The following GABRG3 variants were observed in gnomAD, a reference collection of about 807,000 sequenced individuals.
GABRG3 encodes gamma-aminobutyric acid receptor subunit gamma-3.
In GABRG3, 25 loss-of-function variants were observed where a neutral mutation model predicts 48.8. That is an observed-to-expected ratio of 0.51 (90% confidence interval 0.37 to 0.72). The LOEUF (loss-of-function observed/expected upper bound fraction) is 0.72, where lower values mean the gene tolerates loss of function less well. Ranked by LOEUF, GABRG3 falls within the 30% of genes least tolerant of loss-of-function variation. The pLI is 0.00. For missense variants in GABRG3, 394 were observed against 577.9 expected (o/e 0.68, Z 3.26); for synonymous variants, 227 against 217.6 (o/e 1.04, Z -0.38).
chr15:27,102,342 T>C (rs1401026763), intron 3 of GABRG3, among the ~76,000 whole-genome samples: 3 of 152,232 alleles, frequency 2.0e-5, no homozygotes, highest in Non-Finnish European at 4.4e-5. Context: ...TAATCAGAAT[T>C]TCCACGAGGG....
chr15:27,519,785 C>T (rs1891115397), intron 6 of GABRG3, among the ~76,000 whole-genome samples, 187 bp from the exon 7 acceptor site: 1 of 152,182 alleles, frequency 6.6e-6, no homozygotes, highest in South Asian at 2.1e-4. Flanking sequence ...ATGCCTGGTA[C>T]AGCCATGGTT....
chr15:27,017,799 T>C (rs1895807416), intron 2 of GABRG3, among the ~76,000 whole-genome samples: 1 of 152,194 alleles, frequency 6.6e-6, no homozygotes, highest in Non-Finnish European at 1.5e-5. Context: ...GTCTGTATCG[T>C]GTGGTTAAGT....
At chr15:27,475,605 A>C (rs1016345813) in intron 5 of GABRG3, among the ~76,000 whole-genome samples, 8 of 151,930 alleles carry the variant, frequency 5.3e-5, no homozygotes, top group Admixed American at 4.6e-4. Context: ...GGTGATAGTA[A>C]TAATGGTGGT....
chr15:27,110,502 C>A (rs1259630724), intron 3 of GABRG3, among the ~76,000 whole-genome samples: 1 of 151,876 alleles, frequency 6.6e-6, no homozygotes, highest in Non-Finnish European at 1.5e-5. Context: ...GAGTTTCTGA[C>A]CTATGTAATT....
At chr15:27,190,395 A>T (rs1405526479) in intron 3 of GABRG3, among the ~76,000 whole-genome samples, 1 of 152,112 alleles carries the variant, frequency 6.6e-6, no homozygotes, top group Non-Finnish European at 1.5e-5. Context: ...TTATTGCCAC[A>T]ATTTCAGCTC....
At chr15:27,205,714 A>ATT (rs576106850) in intron 3 of GABRG3, among the ~76,000 whole-genome samples, 1 of 142,970 alleles carries the variant, frequency 7.0e-6, no homozygotes, top group African/African-American at 2.5e-5. Context: ...GGTTGGTAGG[A>ATT]TTTTTTTTTT....
At chr15:27,313,268 A>ATATATATG (rs1312445896) in intron 3 of GABRG3, among the ~76,000 whole-genome samples, 1 of 32,812 alleles carries the variant, frequency 3.0e-5, no homozygotes, top group African/African-American at 1.7e-4. Flanking sequence ...GTGTGTATAT[A>ATATATATG]TATATATATA....
chr15:27,460,071 C>G (rs1244843778), intron 5 of GABRG3, among the ~76,000 whole-genome samples: 1 of 152,154 alleles, frequency 6.6e-6, no homozygotes, highest in Non-Finnish European at 1.5e-5. Context: ...GAAGCCACAG[C>G]TGCATTCCTG....
chr15:27,390,247 C>T (rs145481567), intron 5 of GABRG3, among the ~76,000 whole-genome samples: 130 of 152,308 alleles, frequency 8.5e-4, no homozygotes, highest in African/African-American at 3.0e-3. Flanking sequence ...AAACAAACCA[C>T]TATTATTTAC....
chr15:27,527,657 G>A lies in GABRG3; in HGVS notation c.1062+28G>A, dbSNP rs543791419. 2.3e-5 allele frequency: 36 copies of A among 1,570,288 alleles called. 1 individual carries two copies. The South Asian group carries it at 2.3e-4, about 10-fold the overall frequency. ...GAGCTGCAGTAGCAAAGGTTCTCCG[G>A]GAGGTAATGGGGGCGCTGTTTGAGA... On this transcript the variant is annotated intron_variant, in intron 8 of 9. Coordinates refer to ENST00000615808, the MANE Select transcript of GABRG3 (RefSeq NM_033223.5).
chr15:27,081,338 G>A (rs952575210), intron 3 of GABRG3, among the ~76,000 whole-genome samples: 1 of 151,756 alleles, frequency 6.6e-6, no homozygotes, highest in Non-Finnish European at 1.5e-5. Flanking sequence ...AGACTGCTTT[G>A]GGTTGGGAAA....
chr15:27,489,474 C>T (rs1890297050), intron 6 of GABRG3, among the ~76,000 whole-genome samples: 1 of 152,204 alleles, frequency 6.6e-6, no homozygotes, highest in South Asian at 2.1e-4. Flanking sequence ...AATGATTGAA[C>T]TAATTTACAC....
At chr15:27,291,899 C>T (rs1046196500) in intron 3 of GABRG3, among the ~76,000 whole-genome samples, 4 of 152,244 alleles carry the variant, frequency 2.6e-5, no homozygotes, top group South Asian at 2.1e-4. Context: ...AAGGGTATGG[C>T]GGTGCCTCTC....
At chr15:27,506,191 G>C (rs1177259439) in intron 6 of GABRG3, among the ~76,000 whole-genome samples, 3 of 152,124 alleles carry the variant, frequency 2.0e-5, no homozygotes, top group Non-Finnish European at 4.4e-5. Flanking sequence ...ATGGCCTCCA[G>C]GATTTCCCAC....
chr15:27,056,293 C>T (rs995741283), intron 3 of GABRG3, among the ~76,000 whole-genome samples: 3 of 138,590 alleles, frequency 2.2e-5, no homozygotes, highest in Non-Finnish European at 4.5e-5. Flanking sequence ...ACTGAGGCCG[C>T]AGTGAGCTGT....
chr15:27,071,834 C>T (rs1439952937), intron 3 of GABRG3, among the ~76,000 whole-genome samples: 2 of 152,288 alleles, frequency 1.3e-5, no homozygotes, highest in Middle Eastern at 3.4e-3. Flanking sequence ...TGTATTCAAG[C>T]GTACTAAGAT....
At chr15:27,153,061 A>T (rs11858578) in intron 3 of GABRG3, among the ~76,000 whole-genome samples, 5 of 151,722 alleles carry the variant, frequency 3.3e-5, no homozygotes, top group African/African-American at 7.3e-5. Flanking sequence ...GGGGTTTCAC[A>T]GAGTTAGACC....
At chr15:27,111,297 T>A (rs1015287253) in intron 3 of GABRG3, among the ~76,000 whole-genome samples, 5 of 152,354 alleles carry the variant, frequency 3.3e-5, no homozygotes, top group Non-Finnish European at 4.4e-5. Context: ...GTCCTCTGCT[T>A]TTTCCCTGAG....
chr15:27,383,501 T>C (rs1895838314), intron 5 of GABRG3, among the ~76,000 whole-genome samples: 1 of 152,144 alleles, frequency 6.6e-6, no homozygotes, highest in Non-Finnish European at 1.5e-5. Context: ...CCCAGAAAAA[T>C]TCTGATGTAT....
Sources: gnomAD v4.1 joint callset for allele counts (sites outside exome capture counted in the v4.1 genomes callset) on GRCh38, gnomAD v4.1.1 for gene constraint, MANE v1.5 for transcripts, NCBI Gene and HGNC (gene_info 2026-07-23, HGNC 2026-07-21) for gene names.